ZNF276: variants seen among roughly 807,000 people sequenced by gnomAD.
ZNF276 encodes the protein centromere protein Z.
ZNF276 carries 59 observed loss-of-function variants against 63.9 expected under a neutral mutation model. The ratio of observed to expected loss-of-function variants is 0.92; its 90% CI spans 0.75 to 1.15. The LOEUF is 1.15. Among genes scored for constraint, ZNF276 ranks in the 50% most tolerant of loss-of-function variants. The pLI, the probability that ZNF276 is intolerant of heterozygous loss-of-function variation, is 0.00. For synonymous variants in ZNF276, 496 were observed against 348.4 expected, an observed-to-expected ratio of 1.42 and a Z score of -4.72; for missense variants, 1,084 against 843.8, an observed-to-expected ratio of 1.28 and a Z score of -3.53.
At chr16:89,726,265 C>G (rs2061467335) in intron 4 of ZNF276, among the ~76,000 whole-genome samples, 1 of 151,874 alleles carries the variant, frequency 6.6e-6, no homozygotes, top group Admixed American at 6.6e-5. Flanking sequence ...GGCACGATAT[C>G]AGCTCACCAC....
rs1567590008 is a variant in ZNF276 at position 89,738,359 on chromosome 16, G to A, written c.*113G>A. ...GGTCGGAGGGTGCTGCCCGCCCTTG[G>A]TGCTGGAGGCGGGCTTGGTGTCCGG... is the stretch of plus-strand genomic sequence containing the variant. On this transcript the variant is annotated 3_prime_UTR_variant, in exon 11 of 11. Coordinates refer to ENST00000443381, the MANE Select transcript of ZNF276 (RefSeq NM_001113525.2). 2.7e-6 allele frequency: 4 copies of A among 1,467,622 alleles called. No individual in the cohort carries two copies. Among genetic ancestry groups the A allele is most frequent in the Non-Finnish European group, 3.6e-6 (4 of 1,103,178 alleles). 90.9% of individuals were successfully genotyped at this position (1,467,622 alleles called of 1,614,324 possible). A position where few individuals can be genotyped will look rare whatever the true frequency, so the allele number is the denominator to read the frequency against.
At chr16:89,734,119 C>T in intron 9 of ZNF276, 81 bp downstream of exon 9, 1 of 1,381,576 alleles carries the variant, frequency 7.2e-7, no homozygotes. Context: ...CATACCCATC[C>T]CCGCCCCAAG....
Position 89,739,499 on chromosome 16 carries a change from A to T in ZNF276, c.*1253A>T. The T allele has an allele frequency of 6.4e-7, 1 of 1,551,358 alleles. No individual in the cohort carries two copies. Among genetic ancestry groups the T allele is most frequent in the Non-Finnish European group, 8.7e-7 (1 of 1,147,198 alleles). ...GTACCTGTAAAAAGCGAAAGGCAGC[A>T]GCCTGGTGTGCTGATCCGGGGCCAC... On this transcript the variant is annotated 3_prime_UTR_variant, in exon 11 of 11. Transcript: ENST00000443381.
In ZNF276 at chr16:89,723,431, A is replaced by G; in HGVS notation, c.728A>G (p.Asp243Gly). The G allele has an allele frequency of 6.2e-7, 1 of 1,613,070 alleles. No homozygotes were observed. Among genetic ancestry groups the G allele is most frequent in the Non-Finnish European group, 8.5e-7 (1 of 1,180,034 alleles). Residue 243 changes from aspartate to glycine, a missense_variant, in exon 4 of 11, where the codon GAT becomes GGT. Coordinates refer to ENST00000443381, the MANE Select transcript of ZNF276 (RefSeq NM_001113525.2). ...GCDQGHDYTMDTSSSCKAFLL... is the reference protein window; with the variant it reads ...GCDQGHDYTMGTSSSCKAFLL... ...GACCAGGGCCACGACTACACCATGGATACCAGCTCCAGCTGCAAGGCCTTC... is the reference window on the plus strand; with the variant it reads ...GACCAGGGCCACGACTACACCATGGGTACCAGCTCCAGCTGCAAGGCCTTC...
rs2151712993 is a variant in ZNF276, at chr16:89,739,536, G to A, written c.*1290G>A. ...TGATCCGGGGCCACACGGAGGAGGA[G>A]CCGCCCCAGCCTGAGGTCTGCAACA... is the stretch of plus-strand genomic sequence containing the variant. On this transcript the variant is annotated 3_prime_UTR_variant, in exon 11 of 11. Transcript: ENST00000443381. 6.4e-7 allele frequency: 1 copy of A among 1,551,306 alleles called. No homozygotes were observed. The highest frequency in any genetic ancestry group is 1.7e-4 in the Middle Eastern group (1 of 5,942).
chr16:89,721,000 G>T (rs1330483689), upstream of ZNF276: 1 of 845,348 alleles, frequency 1.2e-6, no homozygotes, highest in Non-Finnish European at 1.6e-6. Flanking sequence ...TCCGGCGACG[G>T]GCCCCCTCCG....
chr16:89,738,269 C>T lies in ZNF276; in HGVS notation c.*23C>T, dbSNP rs2062016990. 1.3e-6 allele frequency: 2 copies of T among 1,572,284 alleles called. No individual in the cohort carries two copies. The highest frequency in any genetic ancestry group is 1.7e-6 in the Non-Finnish European group (2 of 1,160,412). ...TGAGGACGGCAGTGAGGATGAGCAC[C>T]TCTAGCAGCCTGGACTCCGCAGTGG... On this transcript the variant is annotated 3_prime_UTR_variant, in exon 11 of 11. Transcript: ENST00000443381.
chr16:89,727,043 G>A (rs1335908509), intron 4 of ZNF276, among the ~76,000 whole-genome samples: 1 of 152,226 alleles, frequency 6.6e-6, no homozygotes, highest in Non-Finnish European at 1.5e-5. Context: ...TGGTTCTGCT[G>A]TTCCTGAGGG....
intron 4 of ZNF276, among the ~76,000 whole-genome samples, chr16:89,725,732 A>G (rs1280494708): frequency 6.6e-6 from 1 of 152,080 alleles, no homozygotes; most frequent in Non-Finnish European, 1.5e-5. Flanking sequence ...CGGAGATTGC[A>G]GTGAGCTGAG....
rs367970303 is a variant in ZNF276, at chr16:89,739,155, C to T, written c.*909C>T. The T allele has an allele frequency of 1.2e-6, 2 of 1,614,042 alleles. No homozygotes were observed. The highest frequency in any genetic ancestry group is 2.7e-5 in the African/African-American group (2 of 74,936). On this transcript the variant is annotated 3_prime_UTR_variant, in exon 11 of 11. Transcript: ENST00000443381. ...TGCCTGACCCTTGAGCTCCAGGCTC[C>T]TGCCAGCTGGAGGTGAAACTGTGCT...
chr16:89,732,341 C>A, intron 6 of ZNF276: 1 of 152,472 alleles, frequency 6.6e-6, no homozygotes, highest in Non-Finnish European at 1.5e-5. Context: ...GCAGTGGAGG[C>A]GGGGTTGAGG....
Position 89,738,827 on chromosome 16 carries a change from C to A in ZNF276, c.*581C>A. On this transcript the variant is annotated 3_prime_UTR_variant, in exon 11 of 11. Transcript: ENST00000443381. ...CAGCCAGGCAGGCACATGGCCCAGG[C>A]AGCTGTCAATTCTCATGTCCCCCAC... 6.2e-7 allele frequency: 1 copy of A among 1,614,064 alleles called. No homozygotes were observed.
At chr16:89,721,953 A>G (rs2061298282) in intron 1 of ZNF276, 108 bp downstream of exon 1, 1 of 792,886 alleles carries the variant, frequency 1.3e-6, no homozygotes. Context: ...CCACCCGGCC[A>G]AGGGCGTAGC....
intron 8 of ZNF276, 61 bp downstream of exon 8, chr16:89,733,618 AG>A (rs1257600678): frequency 4.2e-5 from 67 of 1,582,162 alleles, no homozygotes; most frequent in Non-Finnish European, 5.3e-5. Flanking sequence ...TGGGGGAGGT[AG>A]CAGGTGTTTC....
chr16:89,733,037 G>A lies in ZNF276; in HGVS notation c.1170-265G>A, dbSNP rs553311584. Reference sequence around the variant, plus strand: ...CCTCTGCTGTGTTTGCCCTGACCCTGCTGTACCCTGCGCCCTCGCCCTCTG... The same window carrying A: ...CCTCTGCTGTGTTTGCCCTGACCCTACTGTACCCTGCGCCCTCGCCCTCTG... On this transcript the variant is annotated intron_variant, in intron 6 of 10. Transcript: ENST00000443381. 9.1e-5 allele frequency: 40 copies of A among 440,354 alleles called. 1 individual carries two copies. Among genetic ancestry groups the A allele is most frequent in the East Asian group, 7.4e-4 (17 of 22,890 alleles). The allele number at this position is 440,354 out of a possible 1,614,324, so 27.3% of individuals were successfully genotyped here.
At position 89,740,598 on chromosome 16, in the gene ZNF276, T is replaced by C; in HGVS notation, c.*2352T>C. The C allele has an allele frequency of 1.7e-6, 1 of 585,838 alleles. No homozygotes were observed. The highest frequency in any genetic ancestry group is 3.0e-6 in the Non-Finnish European group (1 of 330,294). The allele number at this position is 585,838 out of a possible 1,614,324, so 36.3% of individuals were successfully genotyped here. ...TTGCAGTGAGCTGAGATCACACCAC[T>C]GCACTCCAGCCTGGGTGACAGAGTG... On this transcript the variant is annotated 3_prime_UTR_variant, in exon 11 of 11. Coordinates refer to ENST00000443381, the MANE Select transcript of ZNF276 (RefSeq NM_001113525.2).
Position 89,723,626 on chromosome 16 carries a change from C to T in ZNF276, c.923C>T (p.Ala308Val). ...AAGACCCTGCCCAGCACGGATGTGG[C>T]CCAGCCTCCTTCGGACAGCGACGCG... ...ETKTLPSTDV[A>V]QPPSDSDAVG... is the part of the protein sequence containing the mutation. Residue 308 changes from alanine to valine, a missense_variant, in exon 4 of 11, where the codon GCC becomes GTC. Coordinates refer to ENST00000443381, the MANE Select transcript of ZNF276 (RefSeq NM_001113525.2). The T allele has an allele frequency of 1.2e-6, 2 of 1,612,750 alleles. No homozygotes were observed. Among genetic ancestry groups the T allele is most frequent in the East Asian group, 2.2e-5 (1 of 44,886 alleles).
At chr16:89,724,249 C>T (rs772588656) in intron 4 of ZNF276, among the ~76,000 whole-genome samples, 12 of 152,186 alleles carry the variant, frequency 7.9e-5, no homozygotes, top group Non-Finnish European at 1.3e-4. Context: ...TGCAGCTGCT[C>T]CTGGATGTTG....
chr16:89,720,755 C>T (rs1309966974), upstream of ZNF276: 3 of 1,443,384 alleles, frequency 2.1e-6, no homozygotes, highest in African/African-American at 1.5e-5. Flanking sequence ...GCCCCCGCCC[C>T]GCCTCACCCG....
Sources: gnomAD v4.1 joint callset for allele counts (sites outside exome capture counted in the v4.1 genomes callset) on GRCh38, gnomAD v4.1.1 for gene constraint, MANE v1.5 for transcripts, NCBI Gene and HGNC (gene_info 2026-07-23, HGNC 2026-07-21) for gene names.